CSMD3: variants seen among roughly 807,000 people sequenced by gnomAD.
The protein encoded by CSMD3 is CUB and sushi domain-containing protein 3.
CSMD3 carries 177 observed loss-of-function variants against 435.2 expected under a neutral mutation model. The observed-to-expected ratio is 0.41, with a 90% CI of 0.36 to 0.46. CSMD3 has a LOEUF of 0.46. Ranked by LOEUF, CSMD3 falls within the 20% of genes least tolerant of loss-of-function variation. CSMD3 has a pLI of 0.34. For synonymous variants in CSMD3, 1,656 were observed against 1,520.5 expected (o/e 1.09, Z -2.07); for missense variants, 4,265 against 4,504.6 (o/e 0.95, Z 1.52).
intron 1 of CSMD3, among the ~76,000 whole-genome samples, chr8:113,379,754 ATTTAT>A (rs2094406971): frequency 2.0e-5 from 3 of 152,286 alleles, no homozygotes; most frequent in Admixed American, 2.0e-4. Context: ...CAAAGTTGAG[ATTTAT>A]TTTATAGCTA....
chr8:112,636,556 CTAT>C, intron 22 of CSMD3, among the ~76,000 whole-genome samples: 1 of 42,776 alleles, frequency 2.3e-5, no homozygotes, highest in Non-Finnish European at 4.7e-5. Context: ...ATCTATCTAT[CTAT>C]CTATCTATCT....
intron 5 of CSMD3, among the ~76,000 whole-genome samples, chr8:113,049,506 G>A (rs2087993007): frequency 6.6e-6 from 1 of 151,814 alleles, no homozygotes; most frequent in African/African-American, 2.4e-5. Flanking sequence ...TTAACATAAT[G>A]TTGACAGATC....
intron 1 of CSMD3, among the ~76,000 whole-genome samples, chr8:113,416,971 C>T (rs2094584540): frequency 6.6e-6 from 1 of 151,948 alleles, no homozygotes; most frequent in Non-Finnish European, 1.5e-5. Flanking sequence ...TAATAGTTGG[C>T]TCTTTCTAAA....
intron 12 of CSMD3, among the ~76,000 whole-genome samples, chr8:112,813,577 C>T (rs1431829287): frequency 1.3e-5 from 2 of 152,044 alleles, no homozygotes; most frequent in Non-Finnish European, 2.9e-5. Context: ...GAGAAGGATA[C>T]AGGGAAACTT....
intron 28 of CSMD3, 49 bp downstream of exon 28, chr8:112,516,985 A>G (rs767011910): frequency 5.7e-6 from 8 of 1,405,742 alleles, no homozygotes; most frequent in Non-Finnish European, 8.0e-6. Context: ...CCAGTTTTTA[A>G]CCATTGTTTT....
At chr8:113,125,972 A>C (rs2091113854) in intron 4 of CSMD3, among the ~76,000 whole-genome samples, 1 of 152,056 alleles carries the variant, frequency 6.6e-6, no homozygotes, top group South Asian at 2.1e-4. Flanking sequence ...ATAGGTATGC[A>C]TGAAAAATAA....
At chr8:113,422,673 A>G (rs1020881045) in intron 1 of CSMD3, among the ~76,000 whole-genome samples, 7 of 152,154 alleles carry the variant, frequency 4.6e-5, no homozygotes, top group African/African-American at 7.2e-5. Context: ...AGACGAAAAC[A>G]TGCAAAACAA....
At chr8:113,380,533 T>A (rs1401280366) in intron 1 of CSMD3, among the ~76,000 whole-genome samples, 1 of 152,158 alleles carries the variant, frequency 6.6e-6, no homozygotes, top group East Asian at 1.9e-4. Flanking sequence ...AGACTAATGT[T>A]TCCACAACTT....
intron 9 of CSMD3, among the ~76,000 whole-genome samples, chr8:112,930,861 T>C (rs1007460074): frequency 6.6e-6 from 1 of 152,112 alleles, no homozygotes. Flanking sequence ...TGACTACCTA[T>C]GTTTAATATT....
intron 4 of CSMD3, among the ~76,000 whole-genome samples, chr8:113,158,783 T>A (rs1235995256): frequency 6.6e-6 from 1 of 151,968 alleles, no homozygotes; most frequent in African/African-American, 2.4e-5. Context: ...TATAGATAGA[T>A]GTACATGTAT....
chr8:113,177,817 G>GA (rs1408883521), intron 3 of CSMD3, among the ~76,000 whole-genome samples: 1 of 151,866 alleles, frequency 6.6e-6, no homozygotes, highest in Non-Finnish European at 1.5e-5. Flanking sequence ...TCTTCTCACA[G>GA]TATTGAGATT....
chr8:113,259,874 A>AT lies in CSMD3; in HGVS notation c.514+18717dup, dbSNP rs370760468. Among the ~76,000 whole-genome samples the AT allele has an allele frequency of 3.7e-4, 57 of 152,158 alleles. No individual in the cohort carries two copies. In the East Asian group the frequency reaches 5.8e-3, roughly 15 times the overall value. On this transcript the variant is annotated intron_variant, in intron 3 of 70. Transcript: ENST00000297405. ...TGTCCCCACCCAAATCTTATCTTCA[A>AT]TTGTAGTTCCCATAATCCCCATGTG...
chr8:113,401,883 G>A (rs2094511738), intron 1 of CSMD3, among the ~76,000 whole-genome samples: 2 of 151,464 alleles, frequency 1.3e-5, no homozygotes, highest in African/African-American at 4.8e-5. Flanking sequence ...CAAGTTTTTG[G>A]CCTAGAAACA....
intron 49 of CSMD3, among the ~76,000 whole-genome samples, chr8:112,311,616 G>C (rs1821985980): frequency 6.6e-6 from 1 of 152,014 alleles, no homozygotes; most frequent in African/African-American, 2.4e-5. Flanking sequence ...TTTCATTTTG[G>C]TTGATGTCTA....
chr8:112,979,671 T>C (rs147413669), intron 6 of CSMD3, among the ~76,000 whole-genome samples: 20 of 151,660 alleles, frequency 1.3e-4, no homozygotes, highest in African/African-American at 3.9e-4. Flanking sequence ...TAGGTAAGCA[T>C]TGTCTGACAG....
intron 10 of CSMD3, among the ~76,000 whole-genome samples, chr8:112,862,095 T>C (rs2080843130): frequency 6.6e-6 from 1 of 151,972 alleles, no homozygotes; most frequent in South Asian, 2.1e-4. Flanking sequence ...TCTATGAAAA[T>C]GATTTTCTTT....
At chr8:112,993,725 T>C (rs2085539409) in intron 6 of CSMD3, among the ~76,000 whole-genome samples, 1 of 151,764 alleles carries the variant, frequency 6.6e-6, no homozygotes, top group Admixed American at 6.6e-5. Flanking sequence ...GACTGGTACC[T>C]GGTCAATGAA....
chr8:112,260,826 T>C (rs1330705389), intron 61 of CSMD3, among the ~76,000 whole-genome samples: 1 of 152,064 alleles, frequency 6.6e-6, no homozygotes, highest in African/African-American at 2.4e-5. Context: ...GGAGGAGTAG[T>C]GAGGGATGAG....
intron 32 of CSMD3, among the ~76,000 whole-genome samples, chr8:112,449,624 T>A (rs1480907234): frequency 6.6e-6 from 1 of 152,196 alleles, no homozygotes; most frequent in Non-Finnish European, 1.5e-5. Context: ...TGTACAACAT[T>A]TTGCTACTTT....
Sources: allele counts gnomAD v4.1 joint callset (sites outside exome capture counted in the v4.1 genomes callset), GRCh38; gene constraint gnomAD v4.1.1; transcripts MANE v1.5; gene names NCBI Gene and HGNC (gene_info 2026-07-23, HGNC 2026-07-21).